The following MAPK8IP2 variants were observed in gnomAD, a reference collection of about 807,000 sequenced individuals.
MAPK8IP2 encodes mitogen-activated protein kinase 8 interacting protein 2.
In MAPK8IP2, 15 loss-of-function variants were observed where a neutral mutation model predicts 75.6. That is an observed-to-expected ratio of 0.20 (90% CI 0.13 to 0.31). MAPK8IP2 has a LOEUF of 0.31. Ranked by LOEUF, MAPK8IP2 falls within the 10% of genes least tolerant of loss-of-function variation. The probability of loss-of-function intolerance (pLI) is 1.00; values close to 1 mark genes in which losing one functional copy is unlikely to be tolerated. For missense variants in MAPK8IP2, 1,089 were observed against 1,211.2 expected, an observed-to-expected ratio of 0.90 and a Z score of 1.50; for synonymous variants, 632 against 554.5, an observed-to-expected ratio of 1.14 and a Z score of -1.96.
At chr22:50,601,623 G>A (rs1054164047) in intron 1 of MAPK8IP2, among the ~76,000 whole-genome samples, 166 bp from the exon 2 acceptor site, 1 of 152,174 alleles carries the variant, frequency 6.6e-6, no homozygotes, top group Non-Finnish European at 1.5e-5. Flanking sequence ...ATCCACAGGC[G>A]AGCAGAGCTT....
At position 50,603,865 on chromosome 22, in the gene MAPK8IP2, C is replaced by T; in HGVS notation, c.566C>T (p.Thr189Met). The T allele has an allele frequency of 1.3e-6, 2 of 1,533,264 alleles. No homozygotes were observed. The highest frequency in any genetic ancestry group is 1.8e-6 in the Non-Finnish European group (2 of 1,141,712). The allele number at this position is 1,533,264 out of a possible 1,614,324, so 95.0% of individuals were successfully genotyped here. ...LRELPGPLPA[T>M]DTGPGGAQSP... Reference sequence around the variant, plus strand: ...GAGCTCCCGGGCCCCCTCCCTGCCACGGACACCGGGCCCGGCGGGGCGCAG... The same window carrying T: ...GAGCTCCCGGGCCCCCTCCCTGCCATGGACACCGGGCCCGGCGGGGCGCAG... Residue 189 changes from threonine to methionine, a missense_variant, in exon 5 of 12, where the codon ACG (threonine) becomes ATG (methionine). By Grantham distance (81) the Thr-to-Met change is moderately conservative. Coordinates refer to ENST00000329492, the MANE Select transcript of MAPK8IP2 (RefSeq NM_012324.6).
At chr22:50,608,376 T>G (rs2146691926) in intron 10 of MAPK8IP2, among the ~76,000 whole-genome samples, 2 of 96,006 alleles carry the variant, frequency 2.1e-5, no homozygotes, top group Non-Finnish European at 4.1e-5. Context: ...GGTGGAAAGG[T>G]GGGACAGTGG....
In MAPK8IP2 at chr22:50,607,052, G is replaced by A. The variant is rs131735; in HGVS notation, c.2303+61G>A. 0.58 allele frequency: 778,490 copies of A among 1,344,038 alleles called. 230,275 individuals carry two copies. The highest frequency in any genetic ancestry group is 0.81 in the East Asian group (35,271 of 43,392). The allele number at this position is 1,344,038 out of a possible 1,614,324, so 83.3% of individuals were successfully genotyped here. A position where few individuals can be genotyped will look rare whatever the true frequency, so the allele number is the denominator to read the frequency against. On this transcript the variant is annotated intron_variant, in intron 10 of 11. Transcript: ENST00000329492. The surrounding 1 kb of genome is among the most constrained non-coding windows in gnomAD (Gnocchi z 5.6). ...CCCCACAAACCCTGAGAGTCCAACC[G>A]CCCCCTGAGTCCCCACAGACCCTGA...
At chr22:50,606,092 C>G (rs928463577) in intron 8 of MAPK8IP2, among the ~76,000 whole-genome samples, 158 bp downstream of exon 8, 2 of 152,204 alleles carry the variant, frequency 1.3e-5, no homozygotes, top group Non-Finnish European at 2.9e-5. Context: ...GGTGGGTACC[C>G]CAGGCCCTGG....
chr22:50,610,679 T>C lies in MAPK8IP2; in HGVS notation c.2403-28T>C. On this transcript the variant is annotated intron_variant, in intron 11 of 11. Coordinates refer to ENST00000329492, the MANE Select transcript of MAPK8IP2 (RefSeq NM_012324.6). This position sits in a 1 kb window ranked among gnomAD's most constrained non-coding sequence, Gnocchi z 4.3. Reference sequence around the variant, plus strand: ...TTGGGGGTTGAGGACCGGCCCTGAGTGGCTGGTGGAGGACCGTCTTTCCCC... The same window carrying C: ...TTGGGGGTTGAGGACCGGCCCTGAGCGGCTGGTGGAGGACCGTCTTTCCCC... The C allele has an allele frequency of 6.3e-7, 1 of 1,579,644 alleles. No homozygotes were observed. The highest frequency in any genetic ancestry group is 8.6e-7 in the Non-Finnish European group (1 of 1,161,482).
At chr22:50,609,182 G>A (rs1427419477) in intron 10 of MAPK8IP2, among the ~76,000 whole-genome samples, 1 of 152,182 alleles carries the variant, frequency 6.6e-6, no homozygotes, top group Admixed American at 6.5e-5. Flanking sequence ...GTGGTGGTAG[G>A]TCAGGAGAGC....
At position 50,612,861 on chromosome 22, in the gene MAPK8IP2, C is replaced by A; in HGVS notation, c.*2082C>A. 4.1e-5 allele frequency: 1 copy of A among 24,506 alleles called. No individual in the cohort carries two copies. The highest frequency in any genetic ancestry group is 8.6e-4 in the South Asian group (1 of 1,160). 1.5% of individuals were successfully genotyped at this position (24,506 alleles called of 1,614,324 possible). A position where few individuals can be genotyped will look rare whatever the true frequency, so the allele number is the denominator to read the frequency against. On this transcript the variant is annotated 3_prime_UTR_variant, in exon 12 of 12. Coordinates refer to ENST00000329492, the MANE Select transcript of MAPK8IP2 (RefSeq NM_012324.6). ...TCCAAGCCCTGCCCTCCGGCGCCCCCGTCCCGCCCCTGCCCGGCCTGGCCC... is the reference window on the plus strand; with the variant it reads ...TCCAAGCCCTGCCCTCCGGCGCCCCAGTCCCGCCCCTGCCCGGCCTGGCCC...
intron 1 of MAPK8IP2, 43 bp downstream of exon 1, chr22:50,600,926 TGC>T: frequency 1.1e-6 from 1 of 921,386 alleles, no homozygotes; most frequent in Non-Finnish European, 1.4e-6. Context: ...CTCCGCTCCC[TGC>T]GCACCCCCCC....
chr22:50,610,793 C>A lies in MAPK8IP2; in HGVS notation c.*14C>A. On this transcript the variant is annotated 3_prime_UTR_variant, in exon 12 of 12. Transcript: ENST00000329492. The surrounding 1 kb of genome is among the most constrained non-coding windows in gnomAD (Gnocchi z 4.3). The stretch of plus-strand genomic sequence containing the variant: ...TACCTGGAGTAGCCTGCCCACCGCT[C>A]TGTCTCCTGGCCGTCTGCTCCAGGC... 1 of 1,596,280 alleles carries A rather than the reference C, an allele frequency of 6.3e-7. No individual in the cohort carries two copies. The highest frequency in any genetic ancestry group is 1.1e-5 in the South Asian group (1 of 88,356).
intron 2 of MAPK8IP2, among the ~76,000 whole-genome samples, chr22:50,602,541 A>T (rs1242082220): frequency 6.6e-6 from 1 of 152,152 alleles, no homozygotes; most frequent in Non-Finnish European, 1.5e-5. Context: ...AAGTTCCACG[A>T]GGGGGAAGGG....
chr22:50,610,803 G>T lies in MAPK8IP2; in HGVS notation c.*24G>T. The stretch of plus-strand genomic sequence containing the variant: ...AGCCTGCCCACCGCTCTGTCTCCTG[G>T]CCGTCTGCTCCAGGCGCAGCTGGGG... On this transcript the variant is annotated 3_prime_UTR_variant, in exon 12 of 12. Transcript: ENST00000329492. The surrounding 1 kb of genome is among the most constrained non-coding windows in gnomAD (Gnocchi z 4.3). The T allele has an allele frequency of 6.3e-7, 1 of 1,581,896 alleles. No homozygotes were observed.
chr22:50,603,893 G>T lies in MAPK8IP2; in HGVS notation c.594G>T (p.Ser198=), dbSNP rs139026351. The change falls in exon 5 of 12, where the codon TCG becomes TCT. Residue 198 remains serine (S), a synonymous_variant. Transcript: ENST00000329492. ...ATDTGPGGAQ[S]PVRPGCDCEG... is the part of the protein sequence containing the mutation. ...ACACCGGGCCCGGCGGGGCGCAGTC[G>T]CCAGTGCGCCCGGGTTGCGACTGCG... 3.9e-6 allele frequency: 6 copies of T among 1,535,800 alleles called. No individual in the cohort carries two copies. The highest frequency in any genetic ancestry group is 1.4e-5 in the African/African-American group (1 of 72,720).
In MAPK8IP2 at chr22:50,611,027, C is replaced by T; in HGVS notation, c.*248C>T. ...CGTTCTTTCTCTGTGTTGTCCTCCT[C>T]CTTCCCTTCCCAGTCTCCCTTTTCT... On this transcript the variant is annotated 3_prime_UTR_variant, in exon 12 of 12. Coordinates refer to ENST00000329492, the MANE Select transcript of MAPK8IP2 (RefSeq NM_012324.6). This position sits in a 1 kb window ranked among gnomAD's most constrained non-coding sequence, Gnocchi z 5.5. The T allele has an allele frequency of 2.1e-6, 1 of 481,722 alleles. No homozygotes were observed. Among genetic ancestry groups the T allele is most frequent in the South Asian group, 3.3e-5 (1 of 30,596 alleles). The allele number at this position is 481,722 out of a possible 1,614,324, so 29.8% of individuals were successfully genotyped here.
intron 1 of MAPK8IP2, 77 bp from the exon 2 acceptor site, chr22:50,601,712 C>T (rs1365463281): frequency 3.7e-6 from 4 of 1,094,964 alleles, no homozygotes; most frequent in South Asian, 1.3e-5. Flanking sequence ...TGACGCCTCC[C>T]TCTGCCCCTC....
Position 50,603,744 on chromosome 22 carries a change from CGCGGGGAA to C in MAPK8IP2, c.541+32_541+39del, listed in dbSNP as rs541085213. 9.1e-3 allele frequency: 14,053 copies of C among 1,550,430 alleles called. 78 individuals are homozygous for C. The highest frequency in any genetic ancestry group is 0.01 in the Non-Finnish European group (11,505 of 1,146,506). On this transcript the variant is annotated intron_variant, in intron 4 of 11. Transcript: ENST00000329492. ...GGTGAGGGGTGGTGGGCCCGCGGGG[CGCGGGGAA>C]GCGGGGGAGGAGGGCAGGGAGGATG...
chr22:50,601,663 C>G (rs1040263619), intron 1 of MAPK8IP2, 126 bp from the exon 2 acceptor site: 1 of 663,150 alleles, frequency 1.5e-6, no homozygotes, highest in South Asian at 1.7e-5. Context: ...GGATGTGTTC[C>G]GAGAGCTGGG....
chr22:50,604,051 C>G lies in MAPK8IP2; in HGVS notation c.752C>G (p.Ser251Trp). 1 of 1,543,076 alleles carries G rather than the reference C, an allele frequency of 6.5e-7. No individual in the cohort carries two copies. The highest frequency in any genetic ancestry group is 2.4e-5 in the East Asian group (1 of 40,896). ...GGRRSSQELS[S>W]PGSDSEDAGG... ...CGTCGCAGCAGCCAGGAGCTGTCCTCGCCCGGCTCCGACTCGGAGGACGCG... is the reference window on the plus strand; with the variant it reads ...CGTCGCAGCAGCCAGGAGCTGTCCTGGCCCGGCTCCGACTCGGAGGACGCG... Residue 251 changes from serine to tryptophan, a missense_variant, in exon 5 of 12, where the codon TCG becomes TGG. This residue lies in a region of MAPK8IP2 where 960 missense variants were observed against 1,009.6 expected (regional missense o/e 0.95). Coordinates refer to ENST00000329492, the MANE Select transcript of MAPK8IP2 (RefSeq NM_012324.6).
chr22:50,612,813 C>T lies in MAPK8IP2; in HGVS notation c.*2034C>T, dbSNP rs2071168955. On this transcript the variant is annotated 3_prime_UTR_variant, in exon 12 of 12. Coordinates refer to ENST00000329492, the MANE Select transcript of MAPK8IP2 (RefSeq NM_012324.6). ...GCCACCCACCCACCTCCTCCCTCTG[C>T]TCTTCCACTCAGGTGAGAATTCTCC... The T allele has an allele frequency of 6.5e-6, 1 of 152,950 alleles. No homozygotes were observed. Among genetic ancestry groups the T allele is most frequent in the Non-Finnish European group, 1.5e-5 (1 of 68,406 alleles). 9.5% of individuals were successfully genotyped at this position (152,950 alleles called of 1,614,324 possible). A position where few individuals can be genotyped will look rare whatever the true frequency, so the allele number is the denominator to read the frequency against.
chr22:50,606,593 C>A, intron 8 of MAPK8IP2, 65 bp from the exon 9 acceptor site: 1 of 1,144,484 alleles, frequency 8.7e-7, no homozygotes, highest in Non-Finnish European at 1.3e-6. Flanking sequence ...CGTAGTCCCA[C>A]CAAGGGGAAA....
Sources: gnomAD v4.1 joint callset for allele counts (sites outside exome capture counted in the v4.1 genomes callset) on GRCh38, gnomAD v4.1.1 for gene constraint, gnomAD v4.1.1 regional missense constraint, Gnocchi (gnomAD v3.1) non-coding constraint, MANE v1.5 for transcripts, NCBI Gene and HGNC (gene_info 2026-07-23, HGNC 2026-07-21) for gene names.